The following SLCO3A1 variants were observed in gnomAD, a reference collection of about 807,000 sequenced individuals.
SLCO3A1 encodes the protein solute carrier organic anion transporter family member 3A1, also known as PGE1 transporter.
Under a neutral mutation model 63.1 loss-of-function variants are expected in SLCO3A1, and 27 were observed. That is an observed-to-expected ratio of 0.43 (90% CI 0.32 to 0.59). The LOEUF is 0.59. Among genes scored for constraint, SLCO3A1 ranks in the 20% least tolerant of loss-of-function variants. SLCO3A1 has a pLI of 0.09. For missense variants in SLCO3A1, 773 were observed against 945.8 expected (o/e 0.82, Z 2.40); for synonymous variants, 473 against 409.9 (o/e 1.15, Z -1.86).
intron 2 of SLCO3A1, among the ~76,000 whole-genome samples, chr15:92,026,725 T>C (rs2046578283): frequency 6.6e-6 from 1 of 152,180 alleles, no homozygotes; most frequent in Non-Finnish European, 1.5e-5. Context: ...TTCATTACAC[T>C]GGTAAAGATG....
In SLCO3A1 at chr15:92,047,569, TA is replaced by T. The variant is rs1393740044; in HGVS notation, c.647-47309del. On this transcript the variant is annotated intron_variant, in intron 2 of 9. Transcript: ENST00000318445. ...ATATATAAATATATAAATATATATA[TA>T]AATATATATATAATATATATATAAT... 1.6e-3 allele frequency among the ~76,000 whole-genome samples: 29 copies of T among 18,298 alleles called. 2 individuals are homozygous for T. Among genetic ancestry groups the T allele is most frequent in the African/African-American group, 5.2e-3 (16 of 3,052 alleles). 12.0% of individuals were successfully genotyped at this position (18,298 alleles called of 152,430 possible).
chr15:91,940,435 A>G (rs1899579763), intron 2 of SLCO3A1, among the ~76,000 whole-genome samples: 1 of 152,212 alleles, frequency 6.6e-6, no homozygotes, highest in Non-Finnish European at 1.5e-5. Flanking sequence ...GGTTGTAGCC[A>G]GTCCCCAGGG....
Position 91,863,136 on chromosome 15 carries a change from T to C in SLCO3A1, c.180+9048T>C, listed in dbSNP as rs1468308263. Reference sequence around the variant, plus strand: ...AGCATGGACCCATATGTGTTTATTATGTAAGATTCAATTATGGTGATCCAA... The same window carrying C: ...AGCATGGACCCATATGTGTTTATTACGTAAGATTCAATTATGGTGATCCAA... On this transcript the variant is annotated intron_variant, in intron 1 of 9. Transcript: ENST00000318445. This position sits in a 1 kb window ranked among gnomAD's most constrained non-coding sequence, Gnocchi z 4.3. Among the ~76,000 whole-genome samples the C allele has an allele frequency of 2.0e-5, 3 of 152,244 alleles. No homozygotes were observed. The highest frequency in any genetic ancestry group is 2.1e-4 in the South Asian group (1 of 4,830).
At chr15:91,878,565 G>A (rs1406522469) in intron 1 of SLCO3A1, among the ~76,000 whole-genome samples, 2 of 152,142 alleles carry the variant, frequency 1.3e-5, no homozygotes, top group East Asian at 1.9e-4. Context: ...GCTTCCGCTC[G>A]GTATGCAGAC....
intron 1 of SLCO3A1, among the ~76,000 whole-genome samples, chr15:91,864,902 C>T (rs113943891): frequency 0.012 from 1,902 of 152,272 alleles, 33 homozygotes; most frequent in African/African-American, 0.04. Flanking sequence ...GGCCCCTGAC[C>T]CCATCAGTGT....
At chr15:92,003,863 A>G (rs1053253177) in intron 2 of SLCO3A1, among the ~76,000 whole-genome samples, 18 of 152,122 alleles carry the variant, frequency 1.2e-4, no homozygotes, top group Non-Finnish European at 1.9e-4. Context: ...GTGGCACTGG[A>G]GTAGGCATTG....
intron 2 of SLCO3A1, among the ~76,000 whole-genome samples, chr15:92,007,167 G>GATAA (rs1939254325): frequency 6.6e-6 from 1 of 152,184 alleles, no homozygotes; most frequent in Non-Finnish European, 1.5e-5. Context: ...TTCTCAATGA[G>GATAA]ATAAAGGTCA....
intron 3 of SLCO3A1, among the ~76,000 whole-genome samples, chr15:92,096,517 A>G (rs562613528): frequency 6.6e-6 from 1 of 152,310 alleles, no homozygotes; most frequent in South Asian, 2.1e-4. Flanking sequence ...ATTTCCATGT[A>G]GTTTAGCATG....
intron 7 of SLCO3A1, 73 bp from the exon 8 acceptor site, chr15:92,146,911 C>A: frequency 7.2e-7 from 1 of 1,381,052 alleles, no homozygotes; most frequent in Non-Finnish European, 9.9e-7. Flanking sequence ...GTGACAGATT[C>A]AGCTGATGGA....
chr15:92,128,267 A>G (rs2047949468), intron 6 of SLCO3A1, 84 bp from the exon 7 acceptor site: 1 of 1,549,542 alleles, frequency 6.5e-7, no homozygotes, highest in Non-Finnish European at 8.9e-7. Context: ...ACTCATCACA[A>G]CAGAGGCAAA....
At chr15:91,960,053 G>A (rs533574365) in intron 2 of SLCO3A1, among the ~76,000 whole-genome samples, 16 of 151,988 alleles carry the variant, frequency 1.1e-4, no homozygotes, top group Non-Finnish European at 1.5e-4. Flanking sequence ...GCACAATCTC[G>A]GCTCACTGCA....
intron 1 of SLCO3A1, among the ~76,000 whole-genome samples, chr15:91,880,399 C>CTGTGTGTGTGTGTG (rs1158728794): frequency 0.061 from 6,948 of 113,972 alleles, 269 homozygotes; most frequent in Admixed American, 0.12. Context: ...CTCTCTCTCT[C>CTGTGTGTGTGTGTG]TCTCTCTCTC....
chr15:92,161,885 C>G, intron 9 of SLCO3A1: 1 of 149,848 alleles, frequency 6.7e-6, no homozygotes, highest in Non-Finnish European at 1.5e-5. Flanking sequence ...GCAGTTTCCT[C>G]TGTGGAACAC....
intron 1 of SLCO3A1, among the ~76,000 whole-genome samples, chr15:91,880,389 C>G (rs940671119): frequency 1.3e-4 from 13 of 103,712 alleles, no homozygotes; most frequent in African/African-American, 7.3e-4. Context: ...GCTTCTCTCT[C>G]TCTCTCTCTC....
chr15:91,912,214 TA>T lies in SLCO3A1; in HGVS notation c.181-3776del, dbSNP rs1286497422. The stretch of plus-strand genomic sequence containing the variant: ...TCAGGCTGGGTTGTTCACTGCCACA[TA>T]AAGGCTACAAGTGGGTTTTATGGCC... On this transcript the variant is annotated intron_variant, in intron 1 of 9. Coordinates refer to ENST00000318445, the MANE Select transcript of SLCO3A1 (RefSeq NM_013272.4). The surrounding 1 kb of genome is among the most constrained non-coding windows in gnomAD (Gnocchi z 5.0). Among the ~76,000 whole-genome samples, 1 of 152,212 alleles carries T rather than the reference TA, an allele frequency of 6.6e-6. No individual in the cohort carries two copies. The highest frequency in any genetic ancestry group is 2.4e-5 in the African/African-American group (1 of 41,460).
At chr15:91,944,529 T>A (rs1366815748) in intron 2 of SLCO3A1, among the ~76,000 whole-genome samples, 1 of 151,934 alleles carries the variant, frequency 6.6e-6, no homozygotes, top group Admixed American at 6.6e-5. Context: ...AAGTGATCCG[T>A]CACAAGTCCT....
At chr15:92,147,809 A>G (rs2048248953) in intron 8 of SLCO3A1, among the ~76,000 whole-genome samples, 1 of 152,198 alleles carries the variant, frequency 6.6e-6, no homozygotes, top group African/African-American at 2.4e-5. Context: ...AGCCATTAGT[A>G]ATATTCTGAG....
intron 2 of SLCO3A1, among the ~76,000 whole-genome samples, chr15:91,995,946 A>G (rs1567057744): frequency 6.6e-6 from 1 of 152,158 alleles, no homozygotes; most frequent in Non-Finnish European, 1.5e-5. Context: ...TATCATACTT[A>G]ATTGTGAACC....
intron 2 of SLCO3A1, among the ~76,000 whole-genome samples, chr15:92,051,753 A>G (rs967587216): frequency 6.6e-6 from 1 of 152,256 alleles, no homozygotes; most frequent in Admixed American, 6.5e-5. Flanking sequence ...CAGCCGTGAA[A>G]TCAGCAGATT....
Sources: gnomAD v4.1 joint callset for allele counts (sites outside exome capture counted in the v4.1 genomes callset) on GRCh38, gnomAD v4.1.1 for gene constraint, Gnocchi (gnomAD v3.1) non-coding constraint, MANE v1.5 for transcripts, NCBI Gene and HGNC (gene_info 2026-07-23, HGNC 2026-07-21) for gene names.